Variants in NR2C1 observed in about 807,000 individuals in gnomAD.
NR2C1 encodes nuclear receptor subfamily 2 group C member 1, also known as TR2 nuclear hormone receptor.
A neutral mutation model predicts 74.8 loss-of-function variants in NR2C1; 33 were observed. That is an observed-to-expected ratio of 0.44 (90% confidence interval 0.33 to 0.59). The LOEUF (loss-of-function observed/expected upper bound fraction) is 0.59, where lower values mean the gene tolerates loss of function less well. NR2C1 is among the 20% of genes least tolerant of loss of function. The pLI is 0.02. For synonymous variants in NR2C1, 225 were observed against 240.6 expected (o/e 0.94, Z 0.60); for missense variants, 568 against 715.6 (o/e 0.79, Z 2.35).
chr12:95,058,271 T>C (rs746572098), intron 5 of NR2C1, 39 bp downstream of exon 5: 1 of 1,539,360 alleles, frequency 6.5e-7, no homozygotes, highest in Non-Finnish European at 8.8e-7. Context: ...TTTGCTGGAA[T>C]CTTTAAAAAG....
At chr12:95,030,931 G>A (rs955894976) in intron 11 of NR2C1, 2 of 1,300,914 alleles carry the variant, frequency 1.5e-6, no homozygotes, top group African/African-American at 1.5e-5. Flanking sequence ...AACTATTTAG[G>A]TGAGAGAATA....
In NR2C1 at chr12:95,062,764, ATGAAACTCAATAATTTTTCT is replaced by A. The variant is rs760695796; in HGVS notation, c.55-46_55-27del. On this transcript the variant is annotated intron_variant, in intron 2 of 13. Transcript: ENST00000333003. Reference sequence around the variant, plus strand: ...CTAACAAAATCATGAAAAATAATCAATGAAACTCAATAATTTTTCTTTAATGACACAATTATCTTCTTAGA... The same window carrying A: ...CTAACAAAATCATGAAAAATAATCAATTAATGACACAATTATCTTCTTAGA... 13 of 1,544,334 alleles carry A rather than the reference ATGAAACTCAATAATTTTTCT, an allele frequency of 8.4e-6. No individual in the cohort carries two copies. In the Admixed American group the frequency reaches 1.0e-4, roughly 12 times the overall value.
At chr12:95,043,745 T>C (rs1871919301) in intron 9 of NR2C1, among the ~76,000 whole-genome samples, 1 of 151,522 alleles carries the variant, frequency 6.6e-6, no homozygotes, top group African/African-American at 2.4e-5. Flanking sequence ...AATAAAATAT[T>C]AATACTTGTA....
In NR2C1 at chr12:95,059,971, T is replaced by A. The variant is rs775621497; in HGVS notation, c.299A>T (p.Asn100Ile). 10 of 1,533,574 alleles carry A rather than the reference T, an allele frequency of 6.5e-6. No homozygotes were observed. The highest frequency in any genetic ancestry group is 2.3e-4 in the Middle Eastern group (1 of 4,388). 95.0% of individuals were successfully genotyped at this position (1,533,574 alleles called of 1,614,324 possible). A position where few individuals can be genotyped will look rare whatever the true frequency, so the allele number is the denominator to read the frequency against. ...SAQHLQLLTD[N>I]SPDQGPNKVF... ...CTTATTTGGTCCTTGGTCTGGAGAA[T>A]TATCTGTTAGGAGCTAAAAAAAAAA... Residue 100 changes from asparagine to isoleucine, a missense_variant, in exon 4 of 14, where the codon AAT becomes ATT. Transcript: ENST00000333003.
At chr12:95,058,598 G>A in intron 4 of NR2C1, 109 bp from the exon 5 acceptor site, 1 of 846,046 alleles carries the variant, frequency 1.2e-6, no homozygotes, top group Non-Finnish European at 1.8e-6. Flanking sequence ...ACTGATTTTT[G>A]AGCTTCTGAC....
At chr12:95,046,246 A>T (rs1872296538) in intron 9 of NR2C1, among the ~76,000 whole-genome samples, 1 of 152,224 alleles carries the variant, frequency 6.6e-6, no homozygotes, top group Admixed American at 6.5e-5. Flanking sequence ...TGAACAAGAC[A>T]CTAAACATCT....
At chr12:95,034,714 A>G (rs1870597346) in intron 10 of NR2C1, among the ~76,000 whole-genome samples, 1 of 152,160 alleles carries the variant, frequency 6.6e-6, no homozygotes, top group Admixed American at 6.5e-5. Flanking sequence ...TAGATACACA[A>G]ACATTTACTA....
rs78585678 is a variant in NR2C1, at chr12:95,046,676, A to G, written c.1131+2392T>C. Among the ~76,000 whole-genome samples the G allele has an allele frequency of 6.4e-3, 982 of 152,350 alleles. 12 individuals are homozygous for G. Among genetic ancestry groups the G allele is most frequent in the African/African-American group, 0.022 (927 of 41,580 alleles). On this transcript the variant is annotated intron_variant, in intron 9 of 13. Transcript: ENST00000333003. ...TATGTGAAAATATGCTGCAAACTAC[A>G]GTGTACATAGAAATGCAACAGAGGA... is the stretch of plus-strand genomic sequence containing the variant.
intron 7 of NR2C1, among the ~76,000 whole-genome samples, chr12:95,056,516 C>T (rs1294565154): frequency 6.6e-6 from 1 of 152,174 alleles, no homozygotes. Context: ...CTCTTGCAGT[C>T]CTATTCCTAC....
chr12:95,022,446 C>A, intron 13 of NR2C1, 43 bp from the exon 14 acceptor site: 1 of 1,476,614 alleles, frequency 6.8e-7, no homozygotes, highest in Non-Finnish European at 9.2e-7. Context: ...AGGTTGTAAA[C>A]CAGAAAGAAA....
At chr12:95,058,624 A>G (rs1043580174) in intron 4 of NR2C1, 135 bp from the exon 5 acceptor site, 3 of 705,712 alleles carry the variant, frequency 4.3e-6, no homozygotes, top group African/African-American at 1.8e-5. Flanking sequence ...AAACATTTTT[A>G]GAAGTTATTT....
intron 10 of NR2C1, among the ~76,000 whole-genome samples, chr12:95,032,908 C>T (rs949141186): frequency 1.3e-5 from 2 of 152,060 alleles, no homozygotes; most frequent in African/African-American, 2.4e-5. Context: ...GTTGAGGCTT[C>T]GGTGAGCTGT....
At chr12:95,060,378 G>A (rs1275339517) in intron 3 of NR2C1, among the ~76,000 whole-genome samples, 1 of 152,240 alleles carries the variant, frequency 6.6e-6, no homozygotes, top group Admixed American at 6.5e-5. Context: ...AAAAGGCTGG[G>A]TGCGGTGGCT....
chr12:95,067,529 G>T, intron 1 of NR2C1, 138 bp from the exon 2 acceptor site: 2 of 681,044 alleles, frequency 2.9e-6, no homozygotes, highest in South Asian at 2.1e-5. Flanking sequence ...TTTTTCTGAA[G>T]TTTCTTTTTT....
intron 9 of NR2C1, 138 bp downstream of exon 9, chr12:95,048,930 A>G: frequency 1.3e-6 from 1 of 797,850 alleles, no homozygotes. Context: ...GGCCCAGATG[A>G]GTGTTTTAGC....
At chr12:95,072,263 C>A (rs1477106036) in intron 1 of NR2C1, among the ~76,000 whole-genome samples, 1 of 147,572 alleles carries the variant, frequency 6.8e-6, no homozygotes, top group African/African-American at 2.5e-5. Context: ...CCCACCTCTA[C>A]TAAAAATACA....
chr12:95,036,682 T>C (rs557096711), intron 10 of NR2C1, among the ~76,000 whole-genome samples: 1 of 152,082 alleles, frequency 6.6e-6, no homozygotes, highest in South Asian at 2.1e-4. Context: ...GGCTAACTTT[T>C]GAATTTTTAG....
rs1868846449 is a variant in NR2C1 at position 95,022,249 on chromosome 12, T to C, written c.1792A>G (p.Ile598Val). The C allele has an allele frequency of 6.2e-7, 1 of 1,610,824 alleles. No homozygotes were observed. Among genetic ancestry groups the C allele is most frequent in the South Asian group, 1.1e-5 (1 of 90,246 alleles). ...KMEPADYNSQIIGHSI is the reference protein window; with the variant it reads ...KMEPADYNSQVIGHSI ...AGTTTTCAAATGCTGTGACCAATTA[T>C]TTGAGAGTTATAATCTGCAGGCTCC... Residue 598 changes from isoleucine to valine, a missense_variant, in exon 14 of 14, where the codon ATA (isoleucine) becomes GTA (valine). Ile to Val is a conservative substitution (Grantham distance 29, BLOSUM62 3). This residue lies in a region of NR2C1 where 117 missense variants were observed against 186.7 expected (regional missense o/e 0.63). Transcript: ENST00000333003.
chr12:95,060,204 C>T (rs1350200402), intron 3 of NR2C1, among the ~76,000 whole-genome samples: 1 of 152,016 alleles, frequency 6.6e-6, no homozygotes, highest in Admixed American at 6.5e-5. Flanking sequence ...AGAGATAACT[C>T]TAAACCTTTT....
Sources: gnomAD v4.1 joint callset for allele counts (sites outside exome capture counted in the v4.1 genomes callset) on GRCh38, gnomAD v4.1.1 for gene constraint, gnomAD v4.1.1 regional missense constraint, MANE v1.5 for transcripts, NCBI Gene and HGNC (gene_info 2026-07-23, HGNC 2026-07-21) for gene names.